Variants in AGBL4 observed in about 807,000 individuals in gnomAD.
AGBL4 encodes the protein AGBL carboxypeptidase 4, also known as cytosolic carboxypeptidase 6.
In AGBL4, 58 loss-of-function variants were observed where a neutral mutation model predicts 66.4. The ratio of observed to expected loss-of-function variants is 0.87; its 90% CI spans 0.71 to 1.09. AGBL4 has a LOEUF of 1.09. Ranked by LOEUF, AGBL4 falls within the 50% of genes least tolerant of loss-of-function variation. The pLI is 0.00. For synonymous variants in AGBL4, 234 were observed against 222.9 expected (o/e 1.05, Z -0.44); for missense variants, 579 against 631.0 (o/e 0.92, Z 0.88).
At chr1:48,611,811 G>A (rs944571816) in intron 9 of AGBL4, among the ~76,000 whole-genome samples, 6 of 152,140 alleles carry the variant, frequency 3.9e-5, no homozygotes, top group Admixed American at 1.3e-4. Context: ...GTGCCGCTTC[G>A]GATCTGTGTG....
intron 4 of AGBL4, among the ~76,000 whole-genome samples, chr1:49,232,683 A>T (rs914411127): frequency 6.6e-6 from 1 of 151,630 alleles, no homozygotes; most frequent in African/African-American, 2.4e-5. Context: ...TGGGTGACAG[A>T]GCGAGACTCT....
intron 4 of AGBL4, among the ~76,000 whole-genome samples, chr1:49,057,173 G>C (rs138328309): frequency 6.6e-6 from 1 of 152,174 alleles, no homozygotes; most frequent in Non-Finnish European, 1.5e-5. Flanking sequence ...GATCAAGGCA[G>C]GTGGATCCCT....
chr1:49,110,680 G>C (rs908600624), intron 4 of AGBL4, among the ~76,000 whole-genome samples: 6 of 152,064 alleles, frequency 3.9e-5, no homozygotes, highest in African/African-American at 1.4e-4. Flanking sequence ...CGGTACTGCT[G>C]TCTCCCTGGA....
chr1:48,677,251 C>T lies in AGBL4; in HGVS notation c.635-14010G>A, dbSNP rs981407333. Among the ~76,000 whole-genome samples, 12 of 152,176 alleles carry T rather than the reference C, an allele frequency of 7.9e-5. 1 individual carries two copies. Among genetic ancestry groups the T allele is most frequent in the African/African-American group, 2.4e-4 (10 of 41,432 alleles). On this transcript the variant is annotated intron_variant, in intron 6 of 13. Transcript: ENST00000371839. ...GGACAAGAAGTACCAATATAATAGA[C>T]GTGCAGTGTCTCAGGGAACTCACAA... is the stretch of plus-strand genomic sequence containing the variant.
chr1:49,236,989 T>A (rs2148310110), intron 4 of AGBL4, among the ~76,000 whole-genome samples: 1 of 151,856 alleles, frequency 6.6e-6, no homozygotes, highest in East Asian at 1.9e-4. Flanking sequence ...ATGGGAGTTT[T>A]TCGCACCTGT....
At chr1:49,218,929 C>G (rs528344687) in intron 4 of AGBL4, among the ~76,000 whole-genome samples, 7 of 152,256 alleles carry the variant, frequency 4.6e-5, no homozygotes, top group Middle Eastern at 6.8e-3. Context: ...ACCATGTAAG[C>G]TGTGCCTTTC....
At chr1:49,129,188 A>G (rs1025124586) in intron 4 of AGBL4, among the ~76,000 whole-genome samples, 1 of 152,114 alleles carries the variant, frequency 6.6e-6, no homozygotes, top group Non-Finnish European at 1.5e-5. Flanking sequence ...CTACAATTAA[A>G]AATATTGACA....
At chr1:49,689,809 G>A (rs745912437) in intron 3 of AGBL4, among the ~76,000 whole-genome samples, 5 of 151,998 alleles carry the variant, frequency 3.3e-5, no homozygotes, top group Non-Finnish European at 5.9e-5. Context: ...TAATTCCTAC[G>A]TGTTTAATTT....
intron 5 of AGBL4, among the ~76,000 whole-genome samples, chr1:48,918,160 C>G (rs1413988175): frequency 1.3e-5 from 2 of 152,202 alleles, no homozygotes; most frequent in African/African-American, 4.8e-5. Context: ...GATTGCTGGT[C>G]GTGCTGACAA....
intron 5 of AGBL4, among the ~76,000 whole-genome samples, chr1:48,875,512 A>C (rs535613462): frequency 8.5e-5 from 13 of 152,298 alleles, no homozygotes; most frequent in Non-Finnish European, 1.5e-4. Context: ...ACAAAACCTC[A>C]GCTGCACATG....
intron 4 of AGBL4, among the ~76,000 whole-genome samples, chr1:49,150,455 C>A (rs763562018): frequency 7.2e-5 from 11 of 152,054 alleles, no homozygotes; most frequent in Non-Finnish European, 1.5e-4. Flanking sequence ...GAAAAAAAGA[C>A]AAAGGAAATA....
At chr1:49,496,793 C>T (rs1472172177) in intron 3 of AGBL4, among the ~76,000 whole-genome samples, 1 of 143,450 alleles carries the variant, frequency 7.0e-6, no homozygotes, top group African/African-American at 2.6e-5. Flanking sequence ...TATGTTGATT[C>T]TATATCTTGA....
rs113093528 is a variant in AGBL4 at position 49,843,991 on chromosome 1, G to A, written c.157+7405C>T. Among the ~76,000 whole-genome samples, 271 of 152,256 alleles carry A rather than the reference G, an allele frequency of 1.8e-3. 3 individuals carry two copies. Among genetic ancestry groups the A allele is most frequent in the African/African-American group, 6.1e-3 (254 of 41,546 alleles). ...CATGTATATTGAGGTCTTGCTATGG[G>A]ATAGAGATACAGTGGTGAGCAAGGT... On this transcript the variant is annotated intron_variant, in intron 2 of 13. Transcript: ENST00000371839.
At chr1:48,941,509 G>C (rs1655971946) in intron 5 of AGBL4, among the ~76,000 whole-genome samples, 1 of 152,198 alleles carries the variant, frequency 6.6e-6, no homozygotes, top group Non-Finnish European at 1.5e-5. Flanking sequence ...GGATTACAAA[G>C]TGCCAGCTGA....
intron 5 of AGBL4, among the ~76,000 whole-genome samples, chr1:48,950,376 G>T (rs944551229): frequency 1.3e-5 from 2 of 152,184 alleles, no homozygotes; most frequent in Non-Finnish European, 2.9e-5. Flanking sequence ...GGGATTACAG[G>T]CGTGAGCCAC....
chr1:48,581,701 C>T (rs1394851097), intron 11 of AGBL4, among the ~76,000 whole-genome samples: 1 of 152,160 alleles, frequency 6.6e-6, no homozygotes, highest in African/African-American at 2.4e-5. Flanking sequence ...AGGCAAGGGA[C>T]CTAATATTTA....
chr1:49,962,017 A>T (rs1001098161), intron 1 of AGBL4, among the ~76,000 whole-genome samples: 2 of 152,178 alleles, frequency 1.3e-5, no homozygotes, highest in African/African-American at 2.4e-5. Flanking sequence ...CCTCTTCTTT[A>T]GTGACTTTAG....
intron 4 of AGBL4, among the ~76,000 whole-genome samples, chr1:49,150,075 A>C (rs967974978): frequency 5.9e-5 from 9 of 152,128 alleles, no homozygotes; most frequent in African/African-American, 1.7e-4. Flanking sequence ...TTTTTAATCA[A>C]ACTGTTTATA....
At chr1:49,924,609 T>C (rs1652583535) in intron 1 of AGBL4, among the ~76,000 whole-genome samples, 1 of 152,154 alleles carries the variant, frequency 6.6e-6, no homozygotes, top group Admixed American at 6.5e-5. Context: ...ATGAATAATA[T>C]CTAAGTTTTA....
Sources: gnomAD v4.1 joint callset for allele counts (sites outside exome capture counted in the v4.1 genomes callset) on GRCh38, gnomAD v4.1.1 for gene constraint, MANE v1.5 for transcripts, NCBI Gene and HGNC (gene_info 2026-07-23, HGNC 2026-07-21) for gene names.